The following FGF14 variants were observed in gnomAD, a reference collection of about 807,000 sequenced individuals.
FGF14 encodes fibroblast growth factor homologous factor 4.
Under a neutral mutation model 25.5 loss-of-function variants are expected in FGF14, and 5 were observed. That is an observed-to-expected ratio of 0.20 (90% confidence interval 0.10 to 0.41). The LOEUF is 0.41. FGF14 is among the 10% of genes least tolerant of loss of function. The pLI is 1.00. For missense variants in FGF14, 222 were observed against 320.1 expected (o/e 0.69, Z 2.34); for synonymous variants, 138 against 118.3 (o/e 1.17, Z -1.08).
intron 1 of FGF14, among the ~76,000 whole-genome samples, chr13:102,399,725 C>T (rs1395012741): frequency 1.3e-5 from 2 of 152,002 alleles, no homozygotes; most frequent in African/African-American, 4.8e-5. Flanking sequence ...AGTTGCTAAA[C>T]GCTGAGGAGT....
intron 1 of FGF14, among the ~76,000 whole-genome samples, chr13:102,202,312 G>C (rs1352920327): frequency 6.6e-6 from 1 of 152,184 alleles, no homozygotes; most frequent in Non-Finnish European, 1.5e-5. Flanking sequence ...AACAGTTAGT[G>C]CCAAGGGCCT....
At chr13:102,026,255 T>C (rs2040920284) in intron 1 of FGF14, among the ~76,000 whole-genome samples, 2 of 152,150 alleles carry the variant, frequency 1.3e-5, no homozygotes, top group South Asian at 4.1e-4. Context: ...AGAATGTATG[T>C]ACGTAACAAC....
intron 1 of FGF14, among the ~76,000 whole-genome samples, chr13:101,895,886 T>C (rs1182082535): frequency 6.6e-6 from 1 of 152,194 alleles, no homozygotes; most frequent in Admixed American, 6.5e-5. Flanking sequence ...CGTTTCCTGG[T>C]GAGCCTGAGG....
intron 1 of FGF14, among the ~76,000 whole-genome samples, chr13:102,018,228 T>C (rs545344645): frequency 1.3e-5 from 2 of 152,306 alleles, no homozygotes; most frequent in South Asian, 2.1e-4. Context: ...TGCCAGTTCC[T>C]TGACTTGTGG....
At chr13:102,202,098 GCCTTCA>G (rs1566811792) in intron 1 of FGF14, among the ~76,000 whole-genome samples, 1 of 152,042 alleles carries the variant, frequency 6.6e-6, no homozygotes, top group East Asian at 1.9e-4. Flanking sequence ...CTCCCCCTTC[GCCTTCA>G]CCGCGACTGT....
rs561737275 is a variant in FGF14 at position 102,398,860 on chromosome 13, C to A, written c.208+2611G>T. Among the ~76,000 whole-genome samples the A allele has an allele frequency of 1.0e-4, 15 of 147,632 alleles. No homozygotes were observed. In the South Asian group the frequency reaches 3.0e-3, roughly 29 times the overall value. ...TAAATAATGTGACACATTAATGTCCCATTTAAATATATATATTATATATAT... is the reference window on the plus strand; with the variant it reads ...TAAATAATGTGACACATTAATGTCCAATTTAAATATATATATTATATATAT... On this transcript the variant is annotated intron_variant, in intron 1 of 4. Transcript: ENST00000376131.
chr13:101,939,199 C>T (rs1014215331), intron 1 of FGF14, among the ~76,000 whole-genome samples: 2 of 152,186 alleles, frequency 1.3e-5, no homozygotes, highest in African/African-American at 4.8e-5. Flanking sequence ...CTTTGTTATA[C>T]TTTCTCATTC....
At chr13:102,140,439 T>G (rs1472003012) in intron 1 of FGF14, among the ~76,000 whole-genome samples, 3 of 152,090 alleles carry the variant, frequency 2.0e-5, no homozygotes, top group Admixed American at 2.0e-4. Context: ...CATATTTTTC[T>G]CCCCAACTTT....
rs2047664709 is a variant in FGF14 at position 102,161,585 on chromosome 13, A to AAGAAGAAGGAAGAAGAAG, written c.208+239885_208+239886insCTTCTTCTTCCTTCTTCT. On this transcript the variant is annotated intron_variant, in intron 1 of 4. Transcript: ENST00000376131. ...TTCTGTGAAGAAAGAAAGAAGAAGA[A>AAGAAGAAGGAAGAAGAAG]GAAGAAGAAGAAGAAGAAGAAGAAG... Among the ~76,000 whole-genome samples, 3 of 2,414 alleles carry AAGAAGAAGGAAGAAGAAG rather than the reference A, an allele frequency of 1.2e-3. 1 individual carries two copies. Among genetic ancestry groups the AAGAAGAAGGAAGAAGAAG allele is most frequent in the African/African-American group, 0.012 (2 of 172 alleles). The allele number at this position is 2,414 out of a possible 152,430, so 1.6% of individuals were successfully genotyped here. A position where few individuals can be genotyped will look rare whatever the true frequency, so the allele number is the denominator to read the frequency against.
At chr13:102,312,896 T>G (rs1374031039) in intron 1 of FGF14, among the ~76,000 whole-genome samples, 3 of 152,206 alleles carry the variant, frequency 2.0e-5, no homozygotes, top group Non-Finnish European at 4.4e-5. Flanking sequence ...CAGATATCCC[T>G]TTCAGTCCAG....
intron 3 of FGF14, chr13:101,802,473 T>C (rs768667477): frequency 2.7e-5 from 5 of 187,764 alleles, no homozygotes; most frequent in Non-Finnish European, 5.5e-5. Context: ...ATCTGTCTCT[T>C]TGTGAATACT....
chr13:102,153,835 C>A (rs2047196193), intron 1 of FGF14, among the ~76,000 whole-genome samples: 1 of 152,148 alleles, frequency 6.6e-6, no homozygotes, highest in African/African-American at 2.4e-5. Context: ...CAAGTAATCA[C>A]AGATGCAATG....
At chr13:102,002,949 A>G (rs1454939147) in intron 1 of FGF14, 1 of 152,188 alleles carries the variant, frequency 6.6e-6, no homozygotes, top group Non-Finnish European at 1.5e-5. Flanking sequence ...TTCCCACATT[A>G]AATTAATAAA....
intron 1 of FGF14, among the ~76,000 whole-genome samples, chr13:102,124,532 G>T (rs1339522816): frequency 1.3e-5 from 2 of 152,032 alleles, no homozygotes. Flanking sequence ...TAAAATTAAA[G>T]ATTTAAACAA....
chr13:101,785,760 CTT>C (rs984770751), intron 3 of FGF14, among the ~76,000 whole-genome samples: 6 of 151,926 alleles, frequency 3.9e-5, no homozygotes, highest in African/African-American at 1.5e-4. Flanking sequence ...ATTTTTGAGT[CTT>C]TTCTACGGGA....
intron 1 of FGF14, among the ~76,000 whole-genome samples, chr13:102,294,241 C>A (rs921779547): frequency 2.0e-5 from 3 of 152,086 alleles, no homozygotes; most frequent in Non-Finnish European, 4.4e-5. Flanking sequence ...AATAAAATGT[C>A]TTTTCTATGA....
chr13:102,371,665 T>A (rs548772302), intron 1 of FGF14, among the ~76,000 whole-genome samples: 32 of 152,258 alleles, frequency 2.1e-4, no homozygotes, highest in African/African-American at 7.5e-4. Context: ...CTAAGCACAA[T>A]TCTTGGCACA....
intron 3 of FGF14, among the ~76,000 whole-genome samples, chr13:101,774,573 C>A (rs1191372370): frequency 6.6e-6 from 1 of 152,110 alleles, no homozygotes; most frequent in Non-Finnish European, 1.5e-5. Flanking sequence ...CCCTACACCA[C>A]CCCATCCCCT....
intron 1 of FGF14, among the ~76,000 whole-genome samples, chr13:102,379,713 C>T (rs1009373528): frequency 6.6e-6 from 1 of 152,088 alleles, no homozygotes; most frequent in African/African-American, 2.4e-5. Flanking sequence ...ACTTTGTTTA[C>T]TTATCTAACG....
Sources: allele counts gnomAD v4.1 joint callset (sites outside exome capture counted in the v4.1 genomes callset), GRCh38; gene constraint gnomAD v4.1.1; transcripts MANE v1.5; gene names NCBI Gene and HGNC (gene_info 2026-07-23, HGNC 2026-07-21).